Variants in ARL15 observed in about 807,000 individuals in gnomAD.
ARL15 encodes ARF like GTPase 15.
A neutral mutation model predicts 25.2 loss-of-function variants in ARL15; 19 were observed. That is an observed-to-expected ratio of 0.75 (90% CI 0.53 to 1.10). The LOEUF (loss-of-function observed/expected upper bound fraction) is 1.10. ARL15 is among the 50% of genes least tolerant of loss of function. The pLI is 0.00. For missense variants in ARL15, 220 were observed against 246.0 expected (o/e 0.89, Z 0.71); for synonymous variants, 94 against 86.8 (o/e 1.08, Z -0.46).
intron 4 of ARL15, among the ~76,000 whole-genome samples, chr5:53,923,310 T>C (rs1745914581): frequency 1.5e-5 from 2 of 136,580 alleles, no homozygotes; most frequent in African/African-American, 5.0e-5. Flanking sequence ...GTGGTCTGAT[T>C]TTTGCTAAGA....
Position 54,018,564 on chromosome 5 carries a change from C to G in ARL15, c.462+94638G>C, listed in dbSNP as rs73112630. ...TTCCTGCTGAGTGCATATGAATGCA[C>G]CGTGATCTGGGAAAAGGATCCAAAT... On this transcript the variant is annotated intron_variant, in intron 4 of 4. Coordinates refer to ENST00000504924, the MANE Select transcript of ARL15 (RefSeq NM_019087.3). Among the ~76,000 whole-genome samples the G allele has an allele frequency of 3.3e-3, 509 of 152,288 alleles. 5 individuals are homozygous for G. The highest frequency in any genetic ancestry group is 0.012 in the African/African-American group (496 of 41,566).
At chr5:53,970,692 A>G (rs1747723762) in intron 4 of ARL15, among the ~76,000 whole-genome samples, 1 of 151,838 alleles carries the variant, frequency 6.6e-6, no homozygotes, top group South Asian at 2.1e-4. Context: ...GCTGGAGGAC[A>G]AGTTGACTCA....
intron 4 of ARL15, among the ~76,000 whole-genome samples, chr5:53,960,168 C>A (rs144415177): frequency 6.6e-6 from 1 of 152,196 alleles, no homozygotes; most frequent in African/African-American, 2.4e-5. Context: ...TTCATATAGG[C>A]AAATGAGTAT....
At chr5:54,086,961 T>G (rs1256726592) in intron 4 of ARL15, among the ~76,000 whole-genome samples, 1 of 152,330 alleles carries the variant, frequency 6.6e-6, no homozygotes, top group East Asian at 1.9e-4. Flanking sequence ...TTTTCATGGT[T>G]TTAATAATTT....
chr5:54,297,949 A>G (rs1195130162), intron 1 of ARL15, among the ~76,000 whole-genome samples: 2 of 152,032 alleles, frequency 1.3e-5, no homozygotes, highest in Admixed American at 1.3e-4. Flanking sequence ...CGCCCGGCTA[A>G]TTTTTGTATT....
At chr5:53,984,873 G>A (rs1313367278) in intron 4 of ARL15, among the ~76,000 whole-genome samples, 1 of 152,060 alleles carries the variant, frequency 6.6e-6, no homozygotes, top group Non-Finnish European at 1.5e-5. Flanking sequence ...AACTGAAAAG[G>A]ACTGAACCTG....
intron 4 of ARL15, among the ~76,000 whole-genome samples, chr5:54,082,193 G>T (rs1304266848): frequency 1.3e-5 from 2 of 152,120 alleles, no homozygotes; most frequent in African/African-American, 4.8e-5. Context: ...ACTACAGTGT[G>T]TGATTCTAGT....
chr5:53,917,622 A>C (rs1745697754), intron 4 of ARL15, among the ~76,000 whole-genome samples: 1 of 152,224 alleles, frequency 6.6e-6, no homozygotes, highest in African/African-American at 2.4e-5. Flanking sequence ...TCTTTTTACA[A>C]ATGTGACCAG....
At chr5:53,962,469 C>T (rs1398434387) in intron 4 of ARL15, among the ~76,000 whole-genome samples, 4 of 152,056 alleles carry the variant, frequency 2.6e-5, no homozygotes, top group African/African-American at 9.7e-5. Context: ...AAGCCAGCTC[C>T]AATTATCAAT....
chr5:53,967,515 A>G (rs1252270639), intron 4 of ARL15, among the ~76,000 whole-genome samples: 1 of 152,218 alleles, frequency 6.6e-6, no homozygotes, highest in Non-Finnish European at 1.5e-5. Flanking sequence ...GGGATCACAA[A>G]GAAAATAAGA....
chr5:53,959,819 T>C (rs537692127), intron 4 of ARL15, among the ~76,000 whole-genome samples: 1 of 152,254 alleles, frequency 6.6e-6, no homozygotes, highest in South Asian at 2.1e-4. Flanking sequence ...TCCTTTCTTC[T>C]TGCATTGTAA....
intron 4 of ARL15, among the ~76,000 whole-genome samples, chr5:54,069,296 C>T (rs77617255): frequency 0.018 from 2,808 of 152,164 alleles, 90 homozygotes; most frequent in African/African-American, 0.065. Flanking sequence ...CCTGGCTGGG[C>T]TCAGTGGCTC....
At chr5:54,249,453 G>A (rs1206915428) in intron 1 of ARL15, among the ~76,000 whole-genome samples, 1 of 152,082 alleles carries the variant, frequency 6.6e-6, no homozygotes, top group Non-Finnish European at 1.5e-5. Context: ...GATATAAGAG[G>A]AAGTGAAGAT....
chr5:54,127,627 C>G (rs1470781737), intron 3 of ARL15, among the ~76,000 whole-genome samples: 1 of 151,936 alleles, frequency 6.6e-6, no homozygotes, highest in African/African-American at 2.4e-5. Context: ...CCATCCCCAT[C>G]AAGCTACCAA....
chr5:53,885,579 C>T lies in ARL15; in HGVS notation c.*982G>A, dbSNP rs936967216. On this transcript the variant is annotated 3_prime_UTR_variant, in exon 5 of 5. Coordinates refer to ENST00000504924, the MANE Select transcript of ARL15 (RefSeq NM_019087.3). The stretch of plus-strand genomic sequence containing the variant: ...CAGATTCCAATAAACTACAGTAACA[C>T]GTAATGAATGAATATATAGATGATT... 1.3e-4 allele frequency: 20 copies of T among 152,516 alleles called. No homozygotes were observed. The highest frequency in any genetic ancestry group is 4.1e-4 in the South Asian group (2 of 4,822). 9.4% of individuals were successfully genotyped at this position (152,516 alleles called of 1,614,324 possible).
At chr5:54,229,677 A>G (rs892993402) in intron 1 of ARL15, among the ~76,000 whole-genome samples, 1 of 152,204 alleles carries the variant, frequency 6.6e-6, no homozygotes, top group African/African-American at 2.4e-5. Context: ...CAATTAAATT[A>G]TAATCTTAAG....
chr5:54,261,731 G>T lies in ARL15; in HGVS notation c.48+48701C>A, dbSNP rs185307439. On this transcript the variant is annotated intron_variant, in intron 1 of 4. Coordinates refer to ENST00000504924, the MANE Select transcript of ARL15 (RefSeq NM_019087.3). The stretch of plus-strand genomic sequence containing the variant: ...TGCTTCCATACTTACCTGTTATATG[G>T]GGTACTGAACCAGATCTTACACACA... 2.4e-3 allele frequency among the ~76,000 whole-genome samples: 369 copies of T among 151,992 alleles called. 3 individuals are homozygous for T. The highest frequency in any genetic ancestry group is 8.6e-3 in the African/African-American group (357 of 41,432).
chr5:53,923,300 G>C (rs1015678658), intron 4 of ARL15, among the ~76,000 whole-genome samples: 1 of 151,446 alleles, frequency 6.6e-6, no homozygotes, highest in Admixed American at 6.6e-5. Flanking sequence ...GTTTGTATTT[G>C]TGGTCTGATT....
At chr5:54,132,953 C>T (rs1032452591) in intron 3 of ARL15, among the ~76,000 whole-genome samples, 2 of 152,030 alleles carry the variant, frequency 1.3e-5, no homozygotes, top group East Asian at 1.9e-4. Context: ...AAAATCTAAA[C>T]GATAATCTGC....
Sources: gnomAD v4.1 joint callset for allele counts (sites outside exome capture counted in the v4.1 genomes callset) on GRCh38, gnomAD v4.1.1 for gene constraint, MANE v1.5 for transcripts, NCBI Gene and HGNC (gene_info 2026-07-23, HGNC 2026-07-21) for gene names.